BIN2: variants seen among roughly 807,000 people sequenced by gnomAD.
BIN2 encodes bridging integrator 2, also known as breast cancer associated protein BRAP1.
A neutral mutation model predicts 67.9 loss-of-function variants in BIN2; 43 were observed. The observed-to-expected ratio is 0.63, with a 90% CI of 0.50 to 0.82. The LOEUF is 0.82. BIN2 is among the 40% of genes least tolerant of loss of function. BIN2 has a pLI of 0.00. For missense variants in BIN2, 581 were observed against 671.6 expected, an observed-to-expected ratio of 0.87 and a Z score of 1.49; for synonymous variants, 244 against 246.8, an observed-to-expected ratio of 0.99 and a Z score of 0.11.
At chr12:51,318,753 T>C (rs1946195023) in intron 1 of BIN2, among the ~76,000 whole-genome samples, 1 of 152,212 alleles carries the variant, frequency 6.6e-6, no homozygotes, top group Non-Finnish European at 1.5e-5. Flanking sequence ...CATTAGATAA[T>C]ATTTATCTCC....
At chr12:51,317,482 A>G (rs1031606417) in intron 1 of BIN2, among the ~76,000 whole-genome samples, 1 of 151,932 alleles carries the variant, frequency 6.6e-6, no homozygotes, top group Non-Finnish European at 1.5e-5. Flanking sequence ...AGCCTGACCA[A>G]CATGGTGAAA....
Position 51,284,732 on chromosome 12 carries a change from G to A in BIN2, c.1652C>T (p.Pro551Leu), listed in dbSNP as rs1945195601. 6.2e-7 allele frequency: 1 copy of A among 1,612,116 alleles called. No homozygotes were observed. The highest frequency in any genetic ancestry group is 1.3e-5 in the African/African-American group (1 of 74,850). ...TGGTCTTACCTCTTCTTGAGGTTCA[G>A]GTGCTGTGAGGTTGTTGTTTTCTGG... ...MVPENNNLTA[P>L]EPQEEVSTSE... The change falls in exon 12 of 13, where the codon CCT (proline) becomes CTT (leucine). Residue 551 changes from proline to leucine, a missense_variant. By Grantham distance (98) the Pro-to-Leu change is moderately conservative. Transcript: ENST00000615107.
In BIN2 at chr12:51,288,969, C is replaced by T. The variant is rs150044827; in HGVS notation, c.1516-781G>A. On this transcript the variant is annotated intron_variant, in intron 10 of 12. Coordinates refer to ENST00000615107, the MANE Select transcript of BIN2 (RefSeq NM_016293.4). ...TTCACCATGTTGGCCAGGATGGTCT[C>T]GATCTCCTGACCTCATGATCCGCCC... Among the ~76,000 whole-genome samples, 798 of 151,990 alleles carry T rather than the reference C, an allele frequency of 5.3e-3. 31 individuals carry two copies. The East Asian group carries it at 0.1, about 20-fold the overall frequency.
At chr12:51,321,135 TGAGA>T (rs58912028) in intron 1 of BIN2, among the ~76,000 whole-genome samples, 48,944 of 151,630 alleles carry the variant, frequency 0.32, 8,315 homozygotes, top group African/African-American at 0.44. Flanking sequence ...GCTCTGTTCC[TGAGA>T]GAGGATCAGC....
At chr12:51,304,301 T>G (rs992124636) in intron 2 of BIN2, 1 of 152,292 alleles carries the variant, frequency 6.6e-6, no homozygotes, top group Non-Finnish European at 1.5e-5. Flanking sequence ...CCTTCTGTAC[T>G]CATAGAGTAG....
chr12:51,312,029 C>A (rs575732831), intron 2 of BIN2, among the ~76,000 whole-genome samples: 181 of 152,278 alleles, frequency 1.2e-3, no homozygotes, highest in African/African-American at 4.2e-3. Context: ...GCCTCGGCCT[C>A]CCAAAGTGCT....
In BIN2 at chr12:51,302,007, G is replaced by A. The variant is rs777925633; in HGVS notation, c.408+13C>T. The A allele has an allele frequency of 6.3e-7, 1 of 1,590,052 alleles. No individual in the cohort carries two copies. Among genetic ancestry groups the A allele is most frequent in the Admixed American group, 1.7e-5 (1 of 59,928 alleles). The stretch of plus-strand genomic sequence containing the variant: ...TCATCCACAACCCAGCCTTGATTCT[G>A]TACATTGAGTACCTTAATTTCACTG... On this transcript the variant is annotated intron_variant, in intron 5 of 12. Coordinates refer to ENST00000615107, the MANE Select transcript of BIN2 (RefSeq NM_016293.4).
intron 6 of BIN2, 119 bp downstream of exon 6, chr12:51,299,488 G>T: frequency 9.5e-7 from 1 of 1,049,526 alleles, no homozygotes; most frequent in South Asian, 1.3e-5. Flanking sequence ...TTTCCTTTAG[G>T]ACACTGGATG....
chr12:51,316,317 T>C (rs1299779793), intron 1 of BIN2, among the ~76,000 whole-genome samples: 2 of 116,984 alleles, frequency 1.7e-5, no homozygotes, highest in African/African-American at 7.1e-5. Context: ...ACCCCGTCTC[T>C]ACTAAAAATA....
At chr12:51,295,476 T>G (rs1248505523) in intron 9 of BIN2, among the ~76,000 whole-genome samples, 1 of 144,190 alleles carries the variant, frequency 6.9e-6, no homozygotes, top group Non-Finnish European at 1.5e-5. Flanking sequence ...GGCAGGAGAA[T>G]GGCATGAACC....
At chr12:51,282,316 G>A (rs941128594) in intron 12 of BIN2, among the ~76,000 whole-genome samples, 6 of 151,906 alleles carry the variant, frequency 3.9e-5, no homozygotes, top group Non-Finnish European at 7.4e-5. Flanking sequence ...GATCAACAAT[G>A]GACTCTATAT....
At chr12:51,321,010 G>GTTTGGA in intron 1 of BIN2, among the ~76,000 whole-genome samples, 1 of 148,360 alleles carries the variant, frequency 6.7e-6, no homozygotes, top group South Asian at 2.1e-4. Flanking sequence ...TTGAGTTTGG[G>GTTTGGA]CGGGAAATGG....
upstream of BIN2, chr12:51,324,602 G>A (rs1269058532): frequency 1.4e-6 from 2 of 1,403,564 alleles, no homozygotes; most frequent in African/African-American, 2.9e-5. Context: ...TCTAAGCCTG[G>A]AACTGGTAGG....
chr12:51,295,599 T>A lies in BIN2; in HGVS notation c.761+197A>T, dbSNP rs1290701030. ...AAAAATATATATATATATATATATA[T>A]ATATATATATATATATATATATATA... On this transcript the variant is annotated intron_variant, in intron 9 of 12. Coordinates refer to ENST00000615107, the MANE Select transcript of BIN2 (RefSeq NM_016293.4). Among the ~76,000 whole-genome samples the A allele has an allele frequency of 3.5e-3, 63 of 18,084 alleles. 6 individuals carry two copies. Among genetic ancestry groups the A allele is most frequent in the East Asian group, 0.015 (4 of 262 alleles). The allele number at this position is 18,084 out of a possible 152,430, so 11.9% of individuals were successfully genotyped here. A position where few individuals can be genotyped will look rare whatever the true frequency, so the allele number is the denominator to read the frequency against.
At chr12:51,293,638 TA>T (rs986653672) in intron 9 of BIN2, among the ~76,000 whole-genome samples, 1 of 152,108 alleles carries the variant, frequency 6.6e-6, no homozygotes, top group African/African-American at 2.4e-5. Context: ...TCGATTTTTT[TA>T]AAAAAGGTCA....
At chr12:51,305,787 C>A (rs1185122185) in intron 2 of BIN2, among the ~76,000 whole-genome samples, 2 of 141,894 alleles carry the variant, frequency 1.4e-5, no homozygotes, top group South Asian at 2.3e-4. Flanking sequence ...CTAGTTATTT[C>A]ATCCATTTTT....
intron 5 of BIN2, 26 bp from the exon 6 acceptor site, chr12:51,299,740 G>A (rs1032850813): frequency 1.3e-6 from 2 of 1,598,876 alleles, no homozygotes; most frequent in Non-Finnish European, 1.7e-6. Flanking sequence ...GAGAAAGGGT[G>A]TGGATACTCA....
chr12:51,293,349 G>A (rs750876653), intron 9 of BIN2, among the ~76,000 whole-genome samples: 5 of 151,720 alleles, frequency 3.3e-5, no homozygotes, highest in Non-Finnish European at 5.9e-5. Flanking sequence ...TCGCTCTGTC[G>A]CCCAGGCGGG....
Position 51,324,107 on chromosome 12 carries a change from C to A in BIN2, c.-5G>T. 1.2e-6 allele frequency: 2 copies of A among 1,613,006 alleles called. No individual in the cohort carries two copies. The highest frequency in any genetic ancestry group is 1.7e-6 in the Non-Finnish European group (2 of 1,179,494). ...GCCTGCCTTGCCCTCTGCCATCCTG[C>A]CAACTCCCTGGGGGCCGCCGCCCTG... On this transcript the variant is annotated 5_prime_UTR_variant, in exon 1 of 13. Coordinates refer to ENST00000615107, the MANE Select transcript of BIN2 (RefSeq NM_016293.4).
Sources: allele counts gnomAD v4.1 joint callset (sites outside exome capture counted in the v4.1 genomes callset), GRCh38; gene constraint gnomAD v4.1.1; transcripts MANE v1.5; gene names NCBI Gene and HGNC (gene_info 2026-07-23, HGNC 2026-07-21).